The following ONECUT1 variants were observed in gnomAD, a reference collection of about 807,000 sequenced individuals.
ONECUT1 encodes the protein one cut homeobox 1.
Under a neutral mutation model 25.6 loss-of-function variants are expected in ONECUT1, and 12 were observed. The observed-to-expected ratio is 0.47, with a 90% CI of 0.30 to 0.76. The LOEUF (loss-of-function observed/expected upper bound fraction) is 0.76. Among genes scored for constraint, ONECUT1 ranks in the 30% least tolerant of loss-of-function variants. The probability of loss-of-function intolerance (pLI) is 0.07; values close to 1 mark genes in which losing one functional copy is unlikely to be tolerated. For synonymous variants in ONECUT1, 285 were observed against 270.2 expected, an observed-to-expected ratio of 1.05 and a Z score of -0.54; for missense variants, 620 against 651.2, an observed-to-expected ratio of 0.95 and a Z score of 0.52.
chr15:52,766,854 C>T (rs995556473), intron 1 of ONECUT1, among the ~76,000 whole-genome samples: 1 of 152,206 alleles, frequency 6.6e-6, no homozygotes, highest in Admixed American at 6.5e-5. Flanking sequence ...ATCCTGCCAT[C>T]CCATAGTCTG....
chr15:52,783,600 T>A (rs2083854875), intron 1 of ONECUT1, among the ~76,000 whole-genome samples: 1 of 152,084 alleles, frequency 6.6e-6, no homozygotes, highest in Non-Finnish European at 1.5e-5. Flanking sequence ...ACTTCTCAGC[T>A]CAAGGCCTCA....
In ONECUT1 at chr15:52,756,322, G is replaced by C. The variant is rs1042883778; in HGVS notation, c.*1233C>G. ...TTTAAACTTTATTTGTATTTGTAAA[G>C]TATTTAAAAGAGGTTTTTGGTGCCA... On this transcript the variant is annotated 3_prime_UTR_variant, in exon 2 of 2. Transcript: ENST00000305901. 1.3e-5 allele frequency among the ~76,000 whole-genome samples: 2 copies of C among 152,138 alleles called. No homozygotes were observed. Among genetic ancestry groups the C allele is most frequent in the African/African-American group, 4.8e-5 (2 of 41,424 alleles).
intron 1 of ONECUT1, among the ~76,000 whole-genome samples, chr15:52,782,617 A>G (rs553056263): frequency 1.4e-4 from 22 of 152,332 alleles, no homozygotes; most frequent in African/African-American, 4.6e-4. Context: ...TATTTGTTAA[A>G]TGTTTTCTCC....
At position 52,784,128 on chromosome 15, in the gene ONECUT1, C is replaced by G. The variant is rs1022185160; in HGVS notation, c.1105+4652G>C. Among the ~76,000 whole-genome samples, 14 of 152,346 alleles carry G rather than the reference C, an allele frequency of 9.2e-5. No individual in the cohort carries two copies. The highest frequency in any genetic ancestry group is 2.1e-4 in the Non-Finnish European group (14 of 68,022). On this transcript the variant is annotated intron_variant, in intron 1 of 1. Transcript: ENST00000305901. This position sits in a 1 kb window ranked among gnomAD's most constrained non-coding sequence, Gnocchi z 5.0. Reference sequence around the variant, plus strand: ...CAGCCGCAGCACAGCCCGGCTACCCCCAGAAAGGGAGCCGAATGGAGGGAA... The same window carrying G: ...CAGCCGCAGCACAGCCCGGCTACCCGCAGAAAGGGAGCCGAATGGAGGGAA...
rs753677708 is a variant in ONECUT1, at chr15:52,777,744, A to AAAC, written c.1105+11035_1105+11036insGTT. ...CACACACACACACACACACAAAAAA[A>AAAC]CATGTAAAGTTATTTGTTCTCTTCC... On this transcript the variant is annotated intron_variant, in intron 1 of 1. Coordinates refer to ENST00000305901, the MANE Select transcript of ONECUT1 (RefSeq NM_004498.4). 4.0e-3 allele frequency among the ~76,000 whole-genome samples: 591 copies of AAAC among 146,772 alleles called. 12 individuals are homozygous for AAAC. The highest frequency in any genetic ancestry group is 0.014 in the African/African-American group (538 of 39,234).
chr15:52,788,274 G>A lies in ONECUT1; in HGVS notation c.1105+506C>T, dbSNP rs1330755597. ...TCACCCCAGCCAGCGCCAAAAGAATGAGCGCGGGAGGGGGTCACAGCAGCC... is the reference window on the plus strand; with the variant it reads ...TCACCCCAGCCAGCGCCAAAAGAATAAGCGCGGGAGGGGGTCACAGCAGCC... On this transcript the variant is annotated intron_variant, in intron 1 of 1. Transcript: ENST00000305901. This position sits in a 1 kb window ranked among gnomAD's most constrained non-coding sequence, Gnocchi z 4.3. 1 of 157,746 alleles carries A rather than the reference G, an allele frequency of 6.3e-6. No individual in the cohort carries two copies. The highest frequency in any genetic ancestry group is 2.4e-5 in the African/African-American group (1 of 41,558). 9.8% of individuals were successfully genotyped at this position (157,746 alleles called of 1,614,324 possible). A position where few individuals can be genotyped will look rare whatever the true frequency, so the allele number is the denominator to read the frequency against.
At chr15:52,773,102 GC>G (rs989547750) in intron 1 of ONECUT1, among the ~76,000 whole-genome samples, 9 of 152,146 alleles carry the variant, frequency 5.9e-5, no homozygotes, top group African/African-American at 2.2e-4. Context: ...AGAGAGAACT[GC>G]AAATGAATCT....
At chr15:52,780,655 C>A in intron 1 of ONECUT1, 2 of 1,534,708 alleles carry the variant, frequency 1.3e-6, no homozygotes, top group Non-Finnish European at 1.7e-6. Context: ...ACTCCTCTCA[C>A]GCACTTCAGT....
Position 52,788,551 on chromosome 15 carries a change from G to A in ONECUT1, c.1105+229C>T, listed in dbSNP as rs564301483. The A allele has an allele frequency of 4.0e-6, 2 of 500,814 alleles. No individual in the cohort carries two copies. Among genetic ancestry groups the A allele is most frequent in the Non-Finnish European group, 7.0e-6 (2 of 284,170 alleles). 31.0% of individuals were successfully genotyped at this position (500,814 alleles called of 1,614,324 possible). A position where few individuals can be genotyped will look rare whatever the true frequency, so the allele number is the denominator to read the frequency against. ...TGAGCCTCTTCAGTCGCCGAGGCCC[G>A]GCCGCTTAGCTCTCGGAGCCTTCCA... On this transcript the variant is annotated intron_variant, in intron 1 of 1. Transcript: ENST00000305901. This position sits in a 1 kb window ranked among gnomAD's most constrained non-coding sequence, Gnocchi z 4.3.
chr15:52,777,737 C>CAAACACAAAAAAAAAAAA (rs2083812541), intron 1 of ONECUT1, among the ~76,000 whole-genome samples: 1 of 103,450 alleles, frequency 9.7e-6, no homozygotes, highest in African/African-American at 4.4e-5. Flanking sequence ...CACACACACA[C>CAAACACAAAAAAAAAAAA]AAAAAAACAT....
At chr15:52,785,540 G>A (rs2083868959) in intron 1 of ONECUT1, among the ~76,000 whole-genome samples, 1 of 152,204 alleles carries the variant, frequency 6.6e-6, no homozygotes, top group Non-Finnish European at 1.5e-5. Flanking sequence ...TGGGTCCGCG[G>A]TGCTGCGCTT....
At chr15:52,770,595 G>C (rs2083761195) in intron 1 of ONECUT1, among the ~76,000 whole-genome samples, 1 of 152,110 alleles carries the variant, frequency 6.6e-6, no homozygotes, top group Non-Finnish European at 1.5e-5. Flanking sequence ...GAGCACAAAG[G>C]GGCGGCTTGT....
At chr15:52,765,695 G>A (rs1467067357) in intron 1 of ONECUT1, among the ~76,000 whole-genome samples, 1 of 152,182 alleles carries the variant, frequency 6.6e-6, no homozygotes, top group Non-Finnish European at 1.5e-5. Context: ...CCTTTGGATT[G>A]ACCGAGACCA....
At chr15:52,787,223 G>A (rs1440910928) in intron 1 of ONECUT1, 2 of 152,298 alleles carry the variant, frequency 1.3e-5, no homozygotes, top group Non-Finnish European at 2.9e-5. Flanking sequence ...GCAGGAACCT[G>A]CATGAGGACT....
chr15:52,782,521 A>T (rs1207852263), intron 1 of ONECUT1, among the ~76,000 whole-genome samples: 1 of 152,150 alleles, frequency 6.6e-6, no homozygotes, highest in East Asian at 1.9e-4. Context: ...GACATTTTTT[A>T]TGTAGAAATA....
At chr15:52,771,882 A>T (rs2083770017) in intron 1 of ONECUT1, among the ~76,000 whole-genome samples, 1 of 152,220 alleles carries the variant, frequency 6.6e-6, no homozygotes, top group African/African-American at 2.4e-5. Context: ...CTTTGGCAAA[A>T]ACACAGGCTG....
At chr15:52,760,228 T>C (rs2083698093) in intron 1 of ONECUT1, among the ~76,000 whole-genome samples, 1 of 152,016 alleles carries the variant, frequency 6.6e-6, no homozygotes, top group South Asian at 2.1e-4. Context: ...GAGCCTCGAG[T>C]TATAGACATC....
At chr15:52,759,148 G>A (rs764939805) in intron 1 of ONECUT1, among the ~76,000 whole-genome samples, 16 of 152,290 alleles carry the variant, frequency 1.1e-4, no homozygotes, top group Non-Finnish European at 1.9e-4. Context: ...GTGATGGAGG[G>A]AGGGATTGCC....
At chr15:52,779,460 A>G (rs1359841860) in intron 1 of ONECUT1, among the ~76,000 whole-genome samples, 1 of 152,206 alleles carries the variant, frequency 6.6e-6, no homozygotes, top group African/African-American at 2.4e-5. Flanking sequence ...TTCTTTGGTT[A>G]TAAAGACGGG....
Sources: allele counts gnomAD v4.1 joint callset (sites outside exome capture counted in the v4.1 genomes callset), GRCh38; gene constraint gnomAD v4.1.1; non-coding constraint Gnocchi (gnomAD v3.1); transcripts MANE v1.5; gene names NCBI Gene and HGNC (gene_info 2026-07-23, HGNC 2026-07-21).